The following CFAP54 variants were observed in gnomAD, a reference collection of about 807,000 sequenced individuals.
CFAP54 encodes cilia- and flagella-associated protein 54.
In CFAP54, 290 loss-of-function variants were observed where a neutral mutation model predicts 370.4. The observed-to-expected ratio is 0.78, with a 90% CI of 0.71 to 0.86. CFAP54 has a LOEUF of 0.86. Among genes scored for constraint, CFAP54 ranks in the 40% least tolerant of loss-of-function variants. CFAP54 has a pLI of 0.00. For missense variants in CFAP54, 3,399 were observed against 3,528.7 expected, an observed-to-expected ratio of 0.96 and a Z score of 0.93; for synonymous variants, 1,206 against 1,236.5, an observed-to-expected ratio of 0.98 and a Z score of 0.52.
At chr12:96,784,453 G>A (rs897701288) in intron 60 of CFAP54, among the ~76,000 whole-genome samples, 1 of 151,978 alleles carries the variant, frequency 6.6e-6, no homozygotes, top group African/African-American at 2.4e-5. Flanking sequence ...TGTGTTGCTT[G>A]ACATTTGTTT....
At chr12:96,568,215 T>C (rs1021551842) in intron 19 of CFAP54, among the ~76,000 whole-genome samples, 2 of 151,964 alleles carry the variant, frequency 1.3e-5, no homozygotes, top group African/African-American at 2.4e-5. Context: ...TTCTCAGCTC[T>C]TTTTTTGTTT....
intron 42 of CFAP54, among the ~76,000 whole-genome samples, chr12:96,686,335 C>T (rs915015291): frequency 1.3e-5 from 2 of 152,186 alleles, no homozygotes; most frequent in Admixed American, 1.3e-4. Flanking sequence ...TCTTTCAATG[C>T]CCTGTCTCCA....
At chr12:96,718,378 C>T (rs1038439279) in intron 48 of CFAP54, 65 bp from the exon 49 acceptor site, 29 of 821,134 alleles carry the variant, frequency 3.5e-5, no homozygotes, top group Non-Finnish European at 4.6e-5. Context: ...TAAAATAAAC[C>T]TAGAATTAAT....
At chr12:96,599,597 A>G (rs1456155373) in intron 26 of CFAP54, among the ~76,000 whole-genome samples, 3 of 152,174 alleles carry the variant, frequency 2.0e-5, no homozygotes, top group Non-Finnish European at 4.4e-5. Context: ...GTCTTCCACA[A>G]TGGTTGAACT....
intron 53 of CFAP54, 41 bp downstream of exon 53, chr12:96,743,600 A>T: frequency 6.2e-7 from 1 of 1,611,316 alleles, no homozygotes; most frequent in Non-Finnish European, 8.5e-7. Flanking sequence ...TCAGGGAGGG[A>T]TTCCAGTTAG....
chr12:96,869,991 T>C (rs931037041), intron 67 of CFAP54, among the ~76,000 whole-genome samples: 1 of 147,942 alleles, frequency 6.8e-6, no homozygotes, highest in Non-Finnish European at 1.5e-5. Flanking sequence ...AGGCCGGGCA[T>C]GGTGGCTCAC....
rs1956356143 is a variant in CFAP54 at position 96,611,340 on chromosome 12, G to A, written c.3640-10250G>A. On this transcript the variant is annotated intron_variant, in intron 26 of 67. Coordinates refer to ENST00000524981, the MANE Select transcript of CFAP54 (RefSeq NM_001306084.2). ...CAGCTGAGGGTCCTGACTGTTAGAA[G>A]AAAAACTAACAAACAGAAAGGACAT... 2.0e-5 allele frequency among the ~76,000 whole-genome samples: 3 copies of A among 152,038 alleles called. No homozygotes were observed. The South Asian group carries it at 6.2e-4, about 32-fold the overall frequency.
At chr12:96,567,283 A>G (rs1281826612) in intron 19 of CFAP54, among the ~76,000 whole-genome samples, 1 of 152,174 alleles carries the variant, frequency 6.6e-6, no homozygotes, top group African/African-American at 2.4e-5. Context: ...GGGAGAGGAT[A>G]GTAGCACGGG....
intron 26 of CFAP54, among the ~76,000 whole-genome samples, chr12:96,609,121 T>A (rs1956329612): frequency 6.6e-6 from 1 of 152,176 alleles, no homozygotes; most frequent in African/African-American, 2.4e-5. Context: ...GCAATTTTCA[T>A]ATCAGAAAAA....
At chr12:96,724,573 T>G (rs1403238523) in intron 50 of CFAP54, among the ~76,000 whole-genome samples, 1 of 152,106 alleles carries the variant, frequency 6.6e-6, no homozygotes, top group East Asian at 1.9e-4. Context: ...TTCTGGATAT[T>G]AGCCCTTTGT....
intron 64 of CFAP54, among the ~76,000 whole-genome samples, chr12:96,812,854 CTTCTTTTCT>C (rs1958940808): frequency 1.3e-5 from 2 of 152,088 alleles, no homozygotes; most frequent in African/African-American, 2.4e-5. Flanking sequence ...TTATTTGTTC[CTTCTTTTCT>C]TTCTTTTCTT....
intron 50 of CFAP54, among the ~76,000 whole-genome samples, chr12:96,736,522 T>A (rs1315439168): frequency 6.6e-6 from 1 of 152,174 alleles, no homozygotes; most frequent in Admixed American, 6.5e-5. Flanking sequence ...TGGAAAATAA[T>A]GTCCCAGAAG....
intron 66 of CFAP54, among the ~76,000 whole-genome samples, chr12:96,836,705 C>T (rs1959187243): frequency 6.6e-6 from 1 of 152,178 alleles, no homozygotes; most frequent in South Asian, 2.1e-4. Context: ...ATCTAAAAAT[C>T]CTTAATAATG....
chr12:96,800,508 A>C (rs1272263288), intron 63 of CFAP54, among the ~76,000 whole-genome samples: 1 of 152,200 alleles, frequency 6.6e-6, no homozygotes, highest in African/African-American at 2.4e-5. Flanking sequence ...TCATGATAAA[A>C]GATGTAGTTG....
chr12:96,789,241 C>A (rs1399276911), intron 62 of CFAP54, among the ~76,000 whole-genome samples: 1 of 152,138 alleles, frequency 6.6e-6, no homozygotes, highest in African/African-American at 2.4e-5. Flanking sequence ...TAGGCATGCC[C>A]AAAGTTCTTT....
chr12:96,723,594 A>G (rs1957786095), intron 50 of CFAP54, among the ~76,000 whole-genome samples: 1 of 152,100 alleles, frequency 6.6e-6, no homozygotes, highest in African/African-American at 2.4e-5. Flanking sequence ...CTTGGGAAAG[A>G]TTATGTTTAG....
At chr12:96,777,445 G>C (rs1391017335) in intron 60 of CFAP54, among the ~76,000 whole-genome samples, 1 of 151,934 alleles carries the variant, frequency 6.6e-6, no homozygotes, top group Admixed American at 6.6e-5. Flanking sequence ...CGCCTCCCGG[G>C]TTCAAGTGAT....
chr12:96,699,975 A>C lies in CFAP54; in HGVS notation c.6356A>C (p.Glu2119Ala). 1 of 1,568,486 alleles carries C rather than the reference A, an allele frequency of 6.4e-7. No individual in the cohort carries two copies. Residue 2119 changes from glutamate (E) to alanine (A), a missense_variant, in exon 46 of 68, where the codon GAA becomes GCA. By Grantham distance (107) the Glu-to-Ala change is moderately radical. Transcript: ENST00000524981. ...ATTATTTCCTTTCCTTTACAGATAG[A>C]AGTCCTTATAGATTTGAGATTCTTT... ...RNLEARILKIEVLIDLRFFSE... is the reference protein window; with the variant it reads ...RNLEARILKIAVLIDLRFFSE...
chr12:96,704,980 C>T (rs1435698862), intron 47 of CFAP54, among the ~76,000 whole-genome samples, 184 bp downstream of exon 47: 1 of 151,884 alleles, frequency 6.6e-6, no homozygotes, highest in Non-Finnish European at 1.5e-5. Context: ...TACATTTGTT[C>T]CTGTCACTAA....
Sources: gnomAD v4.1 joint callset for allele counts (sites outside exome capture counted in the v4.1 genomes callset) on GRCh38, gnomAD v4.1.1 for gene constraint, MANE v1.5 for transcripts, NCBI Gene and HGNC (gene_info 2026-07-23, HGNC 2026-07-21) for gene names.